KCNIP4: variants seen among roughly 807,000 people sequenced by gnomAD.
KCNIP4 encodes the protein Kv channel-interacting protein 4.
A neutral mutation model predicts 34.0 loss-of-function variants in KCNIP4; 12 were observed. That is an observed-to-expected ratio of 0.35 (90% confidence interval 0.23 to 0.57). The LOEUF is 0.57. Among genes scored for constraint, KCNIP4 ranks in the 20% least tolerant of loss-of-function variants. The pLI, the probability that KCNIP4 is intolerant of heterozygous loss-of-function variation, is 0.83. For missense variants in KCNIP4, 238 were observed against 311.7 expected (o/e 0.76, Z 1.78); for synonymous variants, 124 against 102.2 (o/e 1.21, Z -1.29).
At chr4:21,301,277 AACT>A (rs1444955094) in intron 1 of KCNIP4, among the ~76,000 whole-genome samples, 2 of 152,304 alleles carry the variant, frequency 1.3e-5, no homozygotes, top group East Asian at 1.9e-4. Flanking sequence ...GCAAAATAAC[AACT>A]ACATTATACA....
chr4:20,907,953 A>C (rs1048202609), intron 1 of KCNIP4, among the ~76,000 whole-genome samples: 4 of 152,122 alleles, frequency 2.6e-5, no homozygotes, highest in Non-Finnish European at 4.4e-5. Context: ...TTTAATCATA[A>C]CAACCTATTC....
chr4:21,100,416 G>C (rs922266380), intron 1 of KCNIP4, among the ~76,000 whole-genome samples: 5 of 152,198 alleles, frequency 3.3e-5, no homozygotes, highest in African/African-American at 1.2e-4. Context: ...AGCAGGGCGT[G>C]CTGGTATGTA....
intron 1 of KCNIP4, among the ~76,000 whole-genome samples, chr4:21,003,213 T>G (rs1738285829): frequency 6.6e-6 from 1 of 152,180 alleles, no homozygotes; most frequent in Non-Finnish European, 1.5e-5. Flanking sequence ...GGCTGAAATT[T>G]GAACCCACAT....
intron 2 of KCNIP4, among the ~76,000 whole-genome samples, chr4:20,863,182 T>C (rs1274416260): frequency 2.0e-5 from 3 of 152,046 alleles, no homozygotes; most frequent in Non-Finnish European, 4.4e-5. Flanking sequence ...TCCCTGAGCA[T>C]TTAGAGGTAG....
chr4:20,997,040 G>A (rs954163900), intron 1 of KCNIP4, among the ~76,000 whole-genome samples: 2 of 149,268 alleles, frequency 1.3e-5, no homozygotes, highest in African/African-American at 5.0e-5. Flanking sequence ...AGTGCAGTGG[G>A]TTCAAGGGAG....
At chr4:21,516,617 C>T (rs1329289148) in intron 1 of KCNIP4, among the ~76,000 whole-genome samples, 1 of 152,170 alleles carries the variant, frequency 6.6e-6, no homozygotes, top group Non-Finnish European at 1.5e-5. Flanking sequence ...CTGAAGAATA[C>T]TCAGGTCTCC....
At chr4:21,120,861 A>G (rs1375434351) in intron 1 of KCNIP4, among the ~76,000 whole-genome samples, 1 of 152,214 alleles carries the variant, frequency 6.6e-6, no homozygotes, top group African/African-American at 2.4e-5. Context: ...ACTTCAATTA[A>G]TCTTACATAC....
At chr4:21,234,254 T>C (rs1488573142) in intron 1 of KCNIP4, among the ~76,000 whole-genome samples, 11 of 117,754 alleles carry the variant, frequency 9.3e-5, no homozygotes, top group South Asian at 2.8e-4. Context: ...ACATATATTA[T>C]ATATAACATA....
intron 1 of KCNIP4, among the ~76,000 whole-genome samples, chr4:21,375,572 T>C (rs1348710161): frequency 1.4e-3 from 1 of 694 alleles, no homozygotes; most frequent in Non-Finnish European, 6.4e-3. Flanking sequence ...AATTTTTTTC[T>C]TTTTTTTTTT....
intron 1 of KCNIP4, among the ~76,000 whole-genome samples, chr4:21,856,126 T>G (rs753219843): frequency 2.0e-5 from 3 of 152,158 alleles, no homozygotes; most frequent in Non-Finnish European, 4.4e-5. Flanking sequence ...GTTAACATTT[T>G]GACATCACCT....
chr4:21,558,129 A>G (rs1039398691), intron 1 of KCNIP4, among the ~76,000 whole-genome samples: 1 of 152,196 alleles, frequency 6.6e-6, no homozygotes, highest in African/African-American at 2.4e-5. Context: ...CACTGCATCC[A>G]AGGGCTGTGC....
intron 1 of KCNIP4, among the ~76,000 whole-genome samples, chr4:20,942,308 C>T (rs139950277): frequency 6.6e-6 from 1 of 152,280 alleles, no homozygotes; most frequent in East Asian, 1.9e-4. Context: ...TCTCCATCCT[C>T]CAGATAAAAC....
intron 1 of KCNIP4, among the ~76,000 whole-genome samples, chr4:21,755,038 T>C (rs1717410072): frequency 6.6e-6 from 1 of 152,084 alleles, no homozygotes; most frequent in Non-Finnish European, 1.5e-5. Flanking sequence ...TCCCAGCTAC[T>C]CGGGAGGCTG....
intron 3 of KCNIP4, among the ~76,000 whole-genome samples, chr4:20,808,261 G>A (rs753497491): frequency 6.6e-6 from 1 of 152,088 alleles, no homozygotes; most frequent in Non-Finnish European, 1.5e-5. Context: ...CTGGAGATAA[G>A]ATCAAACATA....
chr4:21,059,854 A>C (rs528289210), intron 1 of KCNIP4, among the ~76,000 whole-genome samples: 9 of 152,210 alleles, frequency 5.9e-5, no homozygotes, highest in Admixed American at 2.0e-4. Flanking sequence ...AACATGAGAC[A>C]CTGTGGTAGA....
chr4:21,602,819 T>C (rs1743303495), intron 1 of KCNIP4, among the ~76,000 whole-genome samples: 1 of 152,090 alleles, frequency 6.6e-6, no homozygotes, highest in Non-Finnish European at 1.5e-5. Context: ...TAATGCTTAG[T>C]TCAAGGGAGG....
At chr4:21,585,674 A>G (rs1401234003) in intron 1 of KCNIP4, among the ~76,000 whole-genome samples, 1 of 152,056 alleles carries the variant, frequency 6.6e-6, no homozygotes, top group African/African-American at 2.4e-5. Context: ...AAAAACAATT[A>G]TGCTTGAATA....
At chr4:21,639,837 C>T (rs1315136948) in intron 1 of KCNIP4, among the ~76,000 whole-genome samples, 1 of 152,100 alleles carries the variant, frequency 6.6e-6, no homozygotes, top group Admixed American at 6.6e-5. Flanking sequence ...TAAAAAACTA[C>T]AGGATAGATT....
rs1221221098 is a variant in KCNIP4 at position 20,730,839 on chromosome 4, C to CTGTT, written c.706-714_706-711dup. On this transcript the variant is annotated intron_variant, in intron 8 of 8. Transcript: ENST00000382152. ...TTGCATGTGAATAGCACTTACTGAG[C>CTGTT]TGTTTATGGTAGTGGTAAATGGTGG... 7.2e-5 allele frequency among the ~76,000 whole-genome samples: 11 copies of CTGTT among 152,196 alleles called. No homozygotes were observed. In the South Asian group the frequency reaches 1.9e-3, roughly 26 times the overall value.
Sources: gnomAD v4.1 joint callset for allele counts (sites outside exome capture counted in the v4.1 genomes callset) on GRCh38, gnomAD v4.1.1 for gene constraint, MANE v1.5 for transcripts, NCBI Gene and HGNC (gene_info 2026-07-23, HGNC 2026-07-21) for gene names.